The following PHACTR3 variants were observed in gnomAD, a reference collection of about 807,000 sequenced individuals.
PHACTR3 encodes protein phosphatase 1, regulatory subunit 123.
In PHACTR3, 16 loss-of-function variants were observed where a neutral mutation model predicts 66.8. That is an observed-to-expected ratio of 0.24 (90% CI 0.16 to 0.36). The LOEUF is 0.36. Among genes scored for constraint, PHACTR3 ranks in the 10% least tolerant of loss-of-function variants. The pLI is 1.00. For synonymous variants in PHACTR3, 323 were observed against 292.1 expected (o/e 1.11, Z -1.08); for missense variants, 647 against 719.9 (o/e 0.90, Z 1.16).
intron 5 of PHACTR3, among the ~76,000 whole-genome samples, chr20:59,768,350 T>TA (rs1310729541): frequency 6.6e-6 from 1 of 152,238 alleles, no homozygotes; most frequent in Non-Finnish European, 1.5e-5. Flanking sequence ...ACAGTTTTGT[T>TA]ACAATCACCT....
intron 1 of PHACTR3, among the ~76,000 whole-genome samples, chr20:59,690,392 T>C (rs1402059203): frequency 6.6e-6 from 1 of 152,234 alleles, no homozygotes; most frequent in African/African-American, 2.4e-5. Context: ...GCTAATCCTT[T>C]GGGGCCCTCA....
chr20:59,704,469 C>T (rs1251375535), intron 1 of PHACTR3, among the ~76,000 whole-genome samples: 1 of 151,468 alleles, frequency 6.6e-6, no homozygotes, highest in Non-Finnish European at 1.5e-5. Flanking sequence ...CTTTTCTTTC[C>T]ACTTCAGCTC....
chr20:59,808,872 G>C (rs1397972391), intron 8 of PHACTR3, among the ~76,000 whole-genome samples: 1 of 152,206 alleles, frequency 6.6e-6, no homozygotes, highest in African/African-American at 2.4e-5. Context: ...TCTCCGTGGA[G>C]GGGCCGTCCC....
At chr20:59,577,558 C>T in exon 1 of PHACTR3, 1 of 1,196,472 alleles carries the variant, frequency 8.4e-7, no homozygotes, top group East Asian at 3.5e-5. Flanking sequence ...CCCCTGCGCT[C>T]GCTGCTGGGC....
chr20:59,706,171 G>A (rs916829419), intron 1 of PHACTR3, among the ~76,000 whole-genome samples: 20 of 152,258 alleles, frequency 1.3e-4, no homozygotes, highest in Admixed American at 5.2e-4. Flanking sequence ...ATTCCCTGAC[G>A]AACTCAAACT....
At chr20:59,626,228 G>T (rs1240704179) in intron 1 of PHACTR3, among the ~76,000 whole-genome samples, 1 of 152,204 alleles carries the variant, frequency 6.6e-6, no homozygotes. Flanking sequence ...ATATATGGCA[G>T]GTTGCAGTGA....
chr20:59,789,353 C>T (rs969605715), intron 7 of PHACTR3, among the ~76,000 whole-genome samples: 7 of 152,196 alleles, frequency 4.6e-5, no homozygotes, highest in Admixed American at 6.5e-5. Flanking sequence ...TGGGCTATGC[C>T]TATATGCAGA....
intron 1 of PHACTR3, among the ~76,000 whole-genome samples, chr20:59,622,596 G>A (rs1025611268): frequency 3.9e-5 from 6 of 152,092 alleles, no homozygotes; most frequent in African/African-American, 1.4e-4. Flanking sequence ...CTGCTGCGAG[G>A]GGTGCTCCCT....
At chr20:59,602,700 G>T (rs1426601987), upstream of PHACTR3, among the ~76,000 whole-genome samples, 1 of 152,136 alleles carries the variant, frequency 6.6e-6, no homozygotes, top group Non-Finnish European at 1.5e-5. Flanking sequence ...GGCTGGGTCA[G>T]CTGCAGGCTT....
At chr20:59,832,531 G>A (rs1457638256) in intron 8 of PHACTR3, among the ~76,000 whole-genome samples, 1 of 152,150 alleles carries the variant, frequency 6.6e-6, no homozygotes, top group African/African-American at 2.4e-5. Context: ...TCTTGGTAGT[G>A]GGTTCATCTC....
chr20:59,638,559 AGGTG>A (rs56340923), intron 1 of PHACTR3, among the ~76,000 whole-genome samples: 3 of 96,422 alleles, frequency 3.1e-5, no homozygotes, highest in Admixed American at 1.1e-4. Flanking sequence ...ATGAGTGGAT[AGGTG>A]GGTGGGTGGG....
rs2040450514 is a variant in PHACTR3 at position 59,774,246 on chromosome 20, T to G, written c.930T>G (p.Phe310Leu). The change falls in exon 7 of 13, where the codon TTT (phenylalanine) becomes TTG (leucine). Residue 310 changes from phenylalanine (F) to leucine (L), a missense_variant. By Grantham distance (22) the Phe-to-Leu change is conservative. This residue lies in a region of PHACTR3 where 577 missense variants were observed against 571.1 expected (regional missense o/e 1.01). Transcript: ENST00000371015. ...CTGAACCATCTTTCTGGTTTAGTTT[T>G]CAAGGAAGAGAAAGTAAAGGGTCTC... The part of the protein sequence containing the change: ...ALATKHRQDS[F>L]QGRESKGSPK... 12 of 1,581,366 alleles carry G rather than the reference T, an allele frequency of 7.6e-6. No individual in the cohort carries two copies. Among genetic ancestry groups the G allele is most frequent in the Non-Finnish European group, 1.0e-5 (12 of 1,166,342 alleles).
intron 7 of PHACTR3, among the ~76,000 whole-genome samples, chr20:59,779,393 AAG>A (rs1325959877): frequency 6.6e-6 from 1 of 152,238 alleles, no homozygotes; most frequent in Non-Finnish European, 1.5e-5. Context: ...AAAGGCCTGT[AAG>A]AGTATTTTGC....
chr20:59,716,206 T>TTGTG lies in PHACTR3; in HGVS notation c.119-26847_119-26844dup, dbSNP rs201782505. ...CCTGCTTTGCTCTTCCCTTCACCCT[T>TTGTG]TGTGTGTGTGTGTGTGTGTGTGTGT... On this transcript the variant is annotated intron_variant, in intron 1 of 12. Transcript: ENST00000371015. 1.3e-3 allele frequency among the ~76,000 whole-genome samples: 166 copies of TTGTG among 128,668 alleles called. 1 individual carries two copies. The highest frequency in any genetic ancestry group is 0.011 in the South Asian group (36 of 3,270). The allele number at this position is 128,668 out of a possible 152,430, so 84.4% of individuals were successfully genotyped here.
At chr20:59,798,906 G>A (rs564634776) in intron 7 of PHACTR3, among the ~76,000 whole-genome samples, 2 of 151,866 alleles carry the variant, frequency 1.3e-5, no homozygotes, top group East Asian at 1.9e-4. Context: ...TGATATCATC[G>A]ATTTGAGACC....
At chr20:59,593,034 G>A (rs561885101) in intron 1 of PHACTR3, among the ~76,000 whole-genome samples, 29 of 152,316 alleles carry the variant, frequency 1.9e-4, no homozygotes, top group African/African-American at 7.0e-4. Flanking sequence ...TGTCTGGATC[G>A]TGTGGTAAGA....
chr20:59,605,162 G>GGGT, intron 1 of PHACTR3, 30 bp downstream of exon 1: 1 of 923,118 alleles, frequency 1.1e-6, no homozygotes, highest in Non-Finnish European at 1.5e-6. Flanking sequence ...CGGCGGGCGG[G>GGGT]TCGGGGAGGC....
At chr20:59,605,858 T>TGGGG (rs55834062) in intron 1 of PHACTR3, among the ~76,000 whole-genome samples, 9 of 87,720 alleles carry the variant, frequency 1.0e-4, no homozygotes, top group Non-Finnish European at 1.6e-4. Context: ...GGGGGGGAGG[T>TGGGG]GGGGGGGGGG....
intron 1 of PHACTR3, among the ~76,000 whole-genome samples, chr20:59,655,902 C>T (rs999708245): frequency 4.6e-5 from 7 of 151,888 alleles, no homozygotes; most frequent in Non-Finnish European, 8.8e-5. Context: ...TTCTTTGACT[C>T]ATTGGTTATT....
Sources: gnomAD v4.1 joint callset for allele counts (sites outside exome capture counted in the v4.1 genomes callset) on GRCh38, gnomAD v4.1.1 for gene constraint, gnomAD v4.1.1 regional missense constraint, MANE v1.5 for transcripts, NCBI Gene and HGNC (gene_info 2026-07-23, HGNC 2026-07-21) for gene names.